The following MAPK8 variants were observed in gnomAD, a reference collection of about 807,000 sequenced individuals.
MAPK8 encodes JUN N-terminal kinase.
A neutral mutation model predicts 52.9 loss-of-function variants in MAPK8; 13 were observed. The ratio of observed to expected loss-of-function variants is 0.25; its 90% confidence interval spans 0.16 to 0.39. MAPK8 has a LOEUF of 0.39. Among genes scored for constraint, MAPK8 ranks in the 10% least tolerant of loss-of-function variants. MAPK8 has a pLI of 1.00. For missense variants in MAPK8, 300 were observed against 519.2 expected, an observed-to-expected ratio of 0.58 and a Z score of 4.10; for synonymous variants, 191 against 169.8, an observed-to-expected ratio of 1.12 and a Z score of -0.97.
At chr10:48,373,462 G>A (rs2040448040) in intron 1 of MAPK8, among the ~76,000 whole-genome samples, 1 of 149,696 alleles carries the variant, frequency 6.7e-6, no homozygotes, top group Non-Finnish European at 1.5e-5. Context: ...ATTCGTTAAA[G>A]AGTCAAGACC....
At chr10:48,393,046 G>A (rs1195046151) in intron 1 of MAPK8, among the ~76,000 whole-genome samples, 1 of 152,106 alleles carries the variant, frequency 6.6e-6, no homozygotes. Context: ...GTCTCTGGCT[G>A]CATCTTCTGT....
intron 1 of MAPK8, among the ~76,000 whole-genome samples, chr10:48,331,392 T>C (rs189295101): frequency 1.3e-5 from 2 of 152,352 alleles, no homozygotes; most frequent in Admixed American, 1.3e-4. Flanking sequence ...ATCCCAGCCA[T>C]ATTAACTTCG....
At chr10:48,343,380 C>T (rs1024543696) in intron 1 of MAPK8, among the ~76,000 whole-genome samples, 3 of 152,186 alleles carry the variant, frequency 2.0e-5, no homozygotes, top group Non-Finnish European at 4.4e-5. Flanking sequence ...CTCTGCTTCT[C>T]AGACAGCTGT....
At chr10:48,346,458 C>T (rs2132386884) in intron 1 of MAPK8, among the ~76,000 whole-genome samples, 1 of 152,362 alleles carries the variant, frequency 6.6e-6, no homozygotes, top group South Asian at 2.1e-4. Context: ...ACGCCAGCGT[C>T]TGGGAAGACG....
chr10:48,335,248 T>A (rs1173692905), intron 1 of MAPK8, among the ~76,000 whole-genome samples: 1 of 152,166 alleles, frequency 6.6e-6, no homozygotes, highest in Non-Finnish European at 1.5e-5. Context: ...TTCTAGTTAA[T>A]CATGCAGTGG....
Position 48,357,709 on chromosome 10 carries a change from T to A in MAPK8, c.-49-43903T>A, listed in dbSNP as rs111556228. Among the ~76,000 whole-genome samples the A allele has an allele frequency of 4.2e-3, 641 of 152,318 alleles. 6 individuals carry two copies. Among genetic ancestry groups the A allele is most frequent in the East Asian group, 0.017 (90 of 5,192 alleles). On this transcript the variant is annotated intron_variant, in intron 1 of 11. Coordinates refer to ENST00000374189, the MANE Select transcript of MAPK8 (RefSeq NM_001323329.2). Reference sequence around the variant, plus strand: ...GCACCTGGCCATCAATCTTATTTTTTAAAATCTTTTAATTATAAAATACAC... The same window carrying A: ...GCACCTGGCCATCAATCTTATTTTTAAAAATCTTTTAATTATAAAATACAC...
chr10:48,358,448 G>T (rs1847191387), intron 1 of MAPK8, among the ~76,000 whole-genome samples: 1 of 152,080 alleles, frequency 6.6e-6, no homozygotes, highest in Non-Finnish European at 1.5e-5. Context: ...ATACTTATTG[G>T]CTGTTTTGGG....
intron 1 of MAPK8, among the ~76,000 whole-genome samples, chr10:48,386,504 C>A (rs1327796057): frequency 6.6e-6 from 1 of 152,168 alleles, no homozygotes; most frequent in Admixed American, 6.5e-5. Flanking sequence ...CACTAATAAT[C>A]TACATGCAGT....
At chr10:48,377,319 T>C (rs1440025752) in intron 1 of MAPK8, among the ~76,000 whole-genome samples, 1 of 151,478 alleles carries the variant, frequency 6.6e-6, no homozygotes, top group Non-Finnish European at 1.5e-5. Flanking sequence ...GTAACAGACC[T>C]GCACATTCTG....
At chr10:48,332,347 C>T (rs1844236296) in intron 1 of MAPK8, among the ~76,000 whole-genome samples, 2 of 152,218 alleles carry the variant, frequency 1.3e-5, no homozygotes, top group African/African-American at 4.8e-5. Flanking sequence ...GCAACTTCCA[C>T]ATACTTGTTT....
chr10:48,377,653 C>T lies in MAPK8; in HGVS notation c.-49-23959C>T, dbSNP rs757424651. On this transcript the variant is annotated intron_variant, in intron 1 of 11. Coordinates refer to ENST00000374189, the MANE Select transcript of MAPK8 (RefSeq NM_001323329.2). ...TTGCCCACCACATGGGCAGTAACTCCCTAGGAGGTGACAGAGCAACAGGAT... is the reference window on the plus strand; with the variant it reads ...TTGCCCACCACATGGGCAGTAACTCTCTAGGAGGTGACAGAGCAACAGGAT... Among the ~76,000 whole-genome samples the T allele has an allele frequency of 4.6e-5, 7 of 151,976 alleles. No homozygotes were observed. In the South Asian group the frequency reaches 6.2e-4, roughly 14 times the overall value.
Position 48,330,026 on chromosome 10 carries a change from ACTT to A in MAPK8, c.-50+23209_-50+23211del, listed in dbSNP as rs768802641. Among the ~76,000 whole-genome samples, 187 of 152,304 alleles carry A rather than the reference ACTT, an allele frequency of 1.2e-3. 1 individual carries two copies. The highest frequency in any genetic ancestry group is 1.9e-3 in the Admixed American group (29 of 15,304). ...CCTATAGCTAGTAATATTTTGGTGT[ACTT>A]CTTTTTATGTATTTTGTGCACATGT... On this transcript the variant is annotated intron_variant, in intron 1 of 11. Coordinates refer to ENST00000374189, the MANE Select transcript of MAPK8 (RefSeq NM_001323329.2).
chr10:48,349,971 A>G (rs933172689), intron 1 of MAPK8, among the ~76,000 whole-genome samples: 1 of 152,234 alleles, frequency 6.6e-6, no homozygotes, highest in South Asian at 2.1e-4. Flanking sequence ...AACTACCGTC[A>G]GAGAATACTA....
intron 1 of MAPK8, among the ~76,000 whole-genome samples, chr10:48,313,014 G>A (rs1842120363): frequency 6.6e-6 from 1 of 152,190 alleles, no homozygotes; most frequent in African/African-American, 2.4e-5. Flanking sequence ...TGGTCCAGAT[G>A]TATTTTAGAA....
At chr10:48,330,925 C>T (rs554008674) in intron 1 of MAPK8, among the ~76,000 whole-genome samples, 8 of 152,134 alleles carry the variant, frequency 5.3e-5, no homozygotes, top group Admixed American at 6.5e-5. Flanking sequence ...TTGTCACATC[C>T]GCAGGCTGAC....
At chr10:48,426,106 G>A in intron 8 of MAPK8, 36 bp downstream of exon 8, 1 of 1,553,618 alleles carries the variant, frequency 6.4e-7, no homozygotes, top group Non-Finnish European at 8.8e-7. Flanking sequence ...AATCCCATTT[G>A]GGGTGTGTAG....
intron 1 of MAPK8, among the ~76,000 whole-genome samples, chr10:48,355,447 TGCAGTGA>T (rs1344509074): frequency 6.8e-6 from 1 of 146,048 alleles, no homozygotes; most frequent in Admixed American, 6.9e-5. Flanking sequence ...AGGCGGAGCT[TGCAGTGA>T]GCCGAGATTG....
chr10:48,371,100 G>A (rs1023898715), intron 1 of MAPK8, among the ~76,000 whole-genome samples: 1 of 152,072 alleles, frequency 6.6e-6, no homozygotes, highest in Non-Finnish European at 1.5e-5. Flanking sequence ...GGTTTGAAGA[G>A]TAACTGACTT....
intron 1 of MAPK8, among the ~76,000 whole-genome samples, chr10:48,344,062 C>T (rs1434452975): frequency 1.3e-5 from 2 of 152,140 alleles, no homozygotes; most frequent in Non-Finnish European, 2.9e-5. Flanking sequence ...CCACTCTGTC[C>T]CATTTAGCCA....
Sources: allele counts gnomAD v4.1 joint callset (sites outside exome capture counted in the v4.1 genomes callset), GRCh38; gene constraint gnomAD v4.1.1; transcripts MANE v1.5; gene names NCBI Gene and HGNC (gene_info 2026-07-23, HGNC 2026-07-21).